RBFOX1: variants seen among roughly 807,000 people sequenced by gnomAD.
The protein encoded by RBFOX1 is RNA binding fox-1 homolog 1, also known as RNA binding protein fox-1 homolog 1.
Under a neutral mutation model 57.7 loss-of-function variants are expected in RBFOX1, and 8 were observed. The ratio of observed to expected loss-of-function variants is 0.14; its 90% CI spans 0.08 to 0.25. The LOEUF (loss-of-function observed/expected upper bound fraction) is 0.25, where lower values mean the gene tolerates loss of function less well. Ranked by LOEUF, RBFOX1 falls within the 10% of genes least tolerant of loss-of-function variation. The pLI, the probability that RBFOX1 is intolerant of heterozygous loss-of-function variation, is 1.00. For missense variants in RBFOX1, 611 were observed against 548.5 expected (o/e 1.11, Z -1.14); for synonymous variants, 326 against 222.4 (o/e 1.47, Z -4.15).
chr16:6,533,373 G>T (rs1599082969), intron 2 of RBFOX1, among the ~76,000 whole-genome samples: 2 of 152,188 alleles, frequency 1.3e-5, no homozygotes, highest in Non-Finnish European at 2.9e-5. Flanking sequence ...GTACCATTAG[G>T]ATCCCTGGGT....
At chr16:6,193,396 A>ACACAT (rs1555545391) in intron 1 of RBFOX1, among the ~76,000 whole-genome samples, 4 of 31,796 alleles carry the variant, frequency 1.3e-4, no homozygotes, top group African/African-American at 4.1e-4. Context: ...TATATACTAT[A>ACACAT]TATATATATA....
At chr16:5,379,044 T>C (rs2066064159) in intron 1 of RBFOX1, among the ~76,000 whole-genome samples, 1 of 151,564 alleles carries the variant, frequency 6.6e-6, no homozygotes, top group African/African-American at 2.4e-5. Flanking sequence ...GGCACAAAAG[T>C]AATTGCAGTT....
At chr16:6,895,040 C>G (rs1040612541) in intron 3 of RBFOX1, among the ~76,000 whole-genome samples, 1 of 152,168 alleles carries the variant, frequency 6.6e-6, no homozygotes, top group East Asian at 1.9e-4. Context: ...TTACCAGCTT[C>G]AAATGCTGGC....
intron 1 of RBFOX1, among the ~76,000 whole-genome samples, chr16:6,291,611 G>C (rs66589142): frequency 6.6e-6 from 1 of 152,036 alleles, no homozygotes; most frequent in Non-Finnish European, 1.5e-5. Context: ...CCTCTTGCCC[G>C]CCTGAGGCAA....
At chr16:5,495,495 G>C (rs1361525511) in intron 2 of RBFOX1, among the ~76,000 whole-genome samples, 2 of 152,176 alleles carry the variant, frequency 1.3e-5, no homozygotes, top group Admixed American at 6.5e-5. Context: ...AGTTCAACAT[G>C]AGATTTTGGT....
intron 4 of RBFOX1, among the ~76,000 whole-genome samples, chr16:7,098,525 C>G (rs991928590): frequency 6.6e-6 from 1 of 152,164 alleles, no homozygotes; most frequent in Admixed American, 6.5e-5. Context: ...AGATAGCATA[C>G]TTTACTTTAT....
chr16:6,903,388 A>G (rs936079385), intron 3 of RBFOX1, among the ~76,000 whole-genome samples: 1 of 152,212 alleles, frequency 6.6e-6, no homozygotes, highest in African/African-American at 2.4e-5. Context: ...ATTCTAACAT[A>G]GAGGCCAGTT....
At chr16:6,274,736 A>G (rs182417060) in intron 1 of RBFOX1, among the ~76,000 whole-genome samples, 15 of 152,332 alleles carry the variant, frequency 9.8e-5, no homozygotes, top group Admixed American at 2.0e-4. Flanking sequence ...ACAAATTCAT[A>G]TGAATCTAGA....
chr16:6,610,944 T>C (rs528738694), intron 2 of RBFOX1, among the ~76,000 whole-genome samples: 2 of 152,314 alleles, frequency 1.3e-5, no homozygotes, highest in East Asian at 3.9e-4. Flanking sequence ...ATGTGGAAGA[T>C]CATAATATAC....
chr16:7,213,171 G>C (rs1432181096), intron 4 of RBFOX1, among the ~76,000 whole-genome samples: 1 of 152,166 alleles, frequency 6.6e-6, no homozygotes, highest in East Asian at 1.9e-4. Context: ...TCAAAACACT[G>C]TCAGGATCAG....
chr16:5,663,971 C>T (rs2049747203), intron 3 of RBFOX1, among the ~76,000 whole-genome samples: 1 of 152,110 alleles, frequency 6.6e-6, no homozygotes, highest in South Asian at 2.1e-4. Flanking sequence ...GATATTCCGG[C>T]CATGGCGAAA....
At chr16:7,201,429 C>G (rs540839016) in intron 4 of RBFOX1, among the ~76,000 whole-genome samples, 5 of 150,714 alleles carry the variant, frequency 3.3e-5, no homozygotes, top group African/African-American at 1.2e-4. Flanking sequence ...TTGATCTAGG[C>G]AAGAGAATGC....
chr16:5,600,340 G>C (rs2047325456), downstream of RBFOX1, among the ~76,000 whole-genome samples: 1 of 151,516 alleles, frequency 6.6e-6, no homozygotes. Flanking sequence ...AACCAAATTA[G>C]CTGAGCGTGG....
intron 11 of RBFOX1, among the ~76,000 whole-genome samples, chr16:7,636,007 T>G (rs540328866): frequency 1.8e-4 from 28 of 152,284 alleles, no homozygotes; most frequent in Admixed American, 9.2e-4. Flanking sequence ...GAGACGGAGT[T>G]TCACGTGTTA....
At chr16:6,911,847 G>A (rs974159277) in intron 3 of RBFOX1, among the ~76,000 whole-genome samples, 4 of 152,112 alleles carry the variant, frequency 2.6e-5, no homozygotes, top group Non-Finnish European at 4.4e-5. Context: ...TCTCAGTAAA[G>A]TGATTTTAAG....
At chr16:5,278,668 C>A (rs1457767486) in intron 1 of RBFOX1, among the ~76,000 whole-genome samples, 2 of 152,268 alleles carry the variant, frequency 1.3e-5, no homozygotes, top group Non-Finnish European at 2.9e-5. Context: ...GCCATGCAAT[C>A]TTTGTTCTCA....
chr16:6,038,799 G>A (rs2095403492), intron 1 of RBFOX1: 1 of 148,418 alleles, frequency 6.7e-6, no homozygotes, highest in Admixed American at 6.7e-5. Context: ...TACCACTTGG[G>A]TTGGATTTTT....
chr16:6,204,149 A>G (rs1344256705), intron 1 of RBFOX1, among the ~76,000 whole-genome samples: 3 of 152,094 alleles, frequency 2.0e-5, no homozygotes, highest in Non-Finnish European at 4.4e-5. Context: ...TGTTGTTGAT[A>G]CTCAACTTTG....
At chr16:7,594,266 A>G (rs889622422) in intron 7 of RBFOX1, among the ~76,000 whole-genome samples, 3 of 152,102 alleles carry the variant, frequency 2.0e-5, no homozygotes, top group African/African-American at 4.8e-5. Context: ...ACTACCATGT[A>G]TTTGTAATTA....
Sources: gnomAD v4.1 joint callset for allele counts (sites outside exome capture counted in the v4.1 genomes callset) on GRCh38, gnomAD v4.1.1 for gene constraint, MANE v1.5 for transcripts, NCBI Gene and HGNC (gene_info 2026-07-23, HGNC 2026-07-21) for gene names.